PPP6R1: variants seen among roughly 807,000 people sequenced by gnomAD.
The protein encoded by PPP6R1 is serine/threonine-protein phosphatase 6 regulatory subunit 1.
Under a neutral mutation model 104.6 loss-of-function variants are expected in PPP6R1, and 39 were observed. That is an observed-to-expected ratio of 0.37 (90% CI 0.29 to 0.49). The LOEUF (loss-of-function observed/expected upper bound fraction) is 0.49. Among genes scored for constraint, PPP6R1 ranks in the 20% least tolerant of loss-of-function variants. The pLI, the probability that PPP6R1 is intolerant of heterozygous loss-of-function variation, is 0.98. For synonymous variants in PPP6R1, 549 were observed against 479.0 expected (o/e 1.15, Z -1.91); for missense variants, 1,181 against 1,155.8 (o/e 1.02, Z -0.32).
At chr19:55,236,232 GCAAC>G in intron 17 of PPP6R1, 1 of 173,676 alleles carries the variant, frequency 5.8e-6, no homozygotes, top group Non-Finnish European at 1.2e-5. Context: ...TCGGCTCACT[GCAAC>G]CTCTGCCTCC....
intron 17 of PPP6R1, 25 bp downstream of exon 17, chr19:55,236,618 G>A (rs768178020): frequency 7.9e-5 from 119 of 1,501,872 alleles, no homozygotes; most frequent in Non-Finnish European, 9.8e-5. Flanking sequence ...GAAGCTTGGA[G>A]AAGGGAAACT....
intron 1 of PPP6R1, among the ~76,000 whole-genome samples, chr19:55,252,806 G>C (rs984654169): frequency 1.3e-5 from 2 of 152,186 alleles, no homozygotes; most frequent in African/African-American, 4.8e-5. Flanking sequence ...CCAAAGTGCT[G>C]GGCTTACAGG....
intron 17 of PPP6R1, 154 bp downstream of exon 17, chr19:55,236,489 C>G: frequency 1.2e-6 from 1 of 840,084 alleles, no homozygotes; most frequent in Non-Finnish European, 1.7e-6. Context: ...ATTTCTATCA[C>G]TCAAAAGTGA....
At position 55,240,091 on chromosome 19, in the gene PPP6R1, C is replaced by A; in HGVS notation, c.1385G>T (p.Gly462Val). 1 of 1,593,632 alleles carries A rather than the reference C, an allele frequency of 6.3e-7. No individual in the cohort carries two copies. Among genetic ancestry groups the A allele is most frequent in the South Asian group, 1.1e-5 (1 of 88,260 alleles). The change falls in exon 12 of 24, where the codon GGC becomes GTC. Residue 462 changes from glycine to valine, a missense_variant. This residue lies in a region of PPP6R1 where 1,042 missense variants were observed against 955.6 expected (regional missense o/e 1.09). Transcript: ENST00000412770. ...CACTCTTGTCAGGTGACCCATGTAG[C>A]CTTTCCGAGGGCCTCCCGCACACCT... ...RVQCAGGPRK[G>V]YMGHLTRVAG... is the part of the protein sequence containing the mutation.
chr19:55,228,648 G>A, downstream of PPP6R1: 3 of 1,594,708 alleles, frequency 1.9e-6, no homozygotes, highest in East Asian at 4.5e-5. Context: ...GGGTTCCAGG[G>A]CCCTGTCCCC....
Position 55,241,481 on chromosome 19 carries a change from G to A in PPP6R1, c.1004C>T (p.Pro335Leu), listed in dbSNP as rs748235354. Residue 335 changes from proline (P) to leucine (L), a missense_variant, in exon 8 of 24, where the codon CCC becomes CTC. Pro to Leu is a moderately conservative substitution (Grantham distance 98). This residue lies in a region of PPP6R1 where 1,042 missense variants were observed against 955.6 expected (regional missense o/e 1.09). Coordinates refer to ENST00000412770, the MANE Select transcript of PPP6R1 (RefSeq NM_014931.4). The surrounding 1 kb of genome is among the most constrained non-coding windows in gnomAD (Gnocchi z 5.4). ...ACCAGAACCCACACCCCTGACCTTGGGAGGCTCCAGCAGGAGCTGGTGGAA... is the reference window on the plus strand; with the variant it reads ...ACCAGAACCCACACCCCTGACCTTGAGAGGCTCCAGCAGGAGCTGGTGGAA... ...SCFHQLLLEP[P>L]KLEPLQMTWG... The A allele has an allele frequency of 3.1e-6, 5 of 1,602,426 alleles. No individual in the cohort carries two copies. The highest frequency in any genetic ancestry group is 4.3e-6 in the Non-Finnish European group (5 of 1,174,788).
At chr19:55,243,832 T>C (rs573917804) in intron 5 of PPP6R1, among the ~76,000 whole-genome samples, 4 of 152,304 alleles carry the variant, frequency 2.6e-5, no homozygotes, top group East Asian at 1.9e-4. Flanking sequence ...TTTCAATTTT[T>C]TGTAGCGACA....
intron 1 of PPP6R1, among the ~76,000 whole-genome samples, chr19:55,257,966 C>T (rs561583035): frequency 1.3e-5 from 2 of 152,340 alleles, no homozygotes; most frequent in South Asian, 4.1e-4. Flanking sequence ...GAAAACAAGC[C>T]CCGCTCCTCC....
At chr19:55,235,594 C>T (rs998008445) in intron 17 of PPP6R1, among the ~76,000 whole-genome samples, 3 of 151,556 alleles carry the variant, frequency 2.0e-5, no homozygotes, top group Non-Finnish European at 4.4e-5. Flanking sequence ...TCTTGGCTCA[C>T]TGCAAGCTCC....
rs1458492393 is a variant in PPP6R1 at position 55,230,245 on chromosome 19, C to A, written c.*283G>T. ...CACTCTCTCTCGCTCTCCTCCCTCTCTCTATATAATATATAATATATGTTT... is the reference window on the plus strand; with the variant it reads ...CACTCTCTCTCGCTCTCCTCCCTCTATCTATATAATATATAATATATGTTT... On this transcript the variant is annotated 3_prime_UTR_variant, in exon 24 of 24. Transcript: ENST00000412770. 4.2e-6 allele frequency: 2 copies of A among 481,398 alleles called. No individual in the cohort carries two copies. The highest frequency in any genetic ancestry group is 3.9e-5 in the African/African-American group (2 of 51,516). The allele number at this position is 481,398 out of a possible 1,614,324, so 29.8% of individuals were successfully genotyped here. A position where few individuals can be genotyped will look rare whatever the true frequency, so the allele number is the denominator to read the frequency against.
Position 55,236,872 on chromosome 19 carries a change from C to G in PPP6R1, c.1809+41G>C, listed in dbSNP as rs376893918. On this transcript the variant is annotated intron_variant, in intron 16 of 23. Coordinates refer to ENST00000412770, the MANE Select transcript of PPP6R1 (RefSeq NM_014931.4). ...GGGCCACACTGCCCACAGCCCCACA[C>G]CCCTCCACCCGCCACAACCAGGGGA... 1.4e-5 allele frequency: 23 copies of G among 1,611,368 alleles called. No homozygotes were observed. In the African/African-American group the frequency reaches 2.3e-4, roughly 16 times the overall value.
At position 55,245,555 on chromosome 19, in the gene PPP6R1, G is replaced by A. The variant is rs368038582; in HGVS notation, c.351C>T (p.Asn117=). The change falls in exon 3 of 24, where the codon AAC becomes AAT. Residue 117 remains asparagine, a synonymous_variant. Coordinates refer to ENST00000412770, the MANE Select transcript of PPP6R1 (RefSeq NM_014931.4). This position sits in a 1 kb window ranked among gnomAD's most constrained non-coding sequence, Gnocchi z 6.4. ...YGFLQSTGSL[N]PLLASFFSKV... ...TGCTGAAGAAGCTGGCCAGCAGTGGGTTGAGGCTGCCGGTGCTCTGCAGGA... is the reference window on the plus strand; with the variant it reads ...TGCTGAAGAAGCTGGCCAGCAGTGGATTGAGGCTGCCGGTGCTCTGCAGGA... 111 of 1,611,828 alleles carry A rather than the reference G, an allele frequency of 6.9e-5. No homozygotes were observed. Among genetic ancestry groups the A allele is most frequent in the Non-Finnish European group, 9.1e-5 (107 of 1,179,112 alleles).
At position 55,232,115 on chromosome 19, in the gene PPP6R1, G is replaced by A. The variant is rs1452811462; in HGVS notation, c.2085C>T (p.Ala695=). The change falls in exon 18 of 24, where the codon GCC becomes GCT. Residue 695 remains alanine, a synonymous_variant. Coordinates refer to ENST00000412770, the MANE Select transcript of PPP6R1 (RefSeq NM_014931.4). ...CAGGGCTGGGGTAGGACAGAGGGGT[G>A]GCCCCTCCACGGGCTGCACAGCCAA... ...EGIGCAARGG[A]TPLSYPSPGP... 6.2e-7 allele frequency: 1 copy of A among 1,604,916 alleles called. No homozygotes were observed. Among genetic ancestry groups the A allele is most frequent in the African/African-American group, 1.3e-5 (1 of 74,890 alleles).
At position 55,236,678 on chromosome 19, in the gene PPP6R1, G is replaced by A. The variant is rs2087401769; in HGVS notation, c.1953C>T (p.Ala651=). 2.5e-6 allele frequency: 4 copies of A among 1,600,688 alleles called. No homozygotes were observed. The highest frequency in any genetic ancestry group is 1.7e-5 in the Admixed American group (1 of 58,398). The change falls in exon 17 of 24, where the codon GCC becomes GCT. Residue 651 remains alanine (A), a synonymous_variant. Coordinates refer to ENST00000412770, the MANE Select transcript of PPP6R1 (RefSeq NM_014931.4). ...GTGGCTGGCCCAGACGGGCCCCCCTGGCCAGCTGGCTGCCCTGCCAGGCGC... is the reference window on the plus strand; with the variant it reads ...GTGGCTGGCCCAGACGGGCCCCCCTAGCCAGCTGGCTGCCCTGCCAGGCGC... ...EDGAWQGSQL[A]RGARLGQPPG...
Position 55,246,906 on chromosome 19 carries a change from T to C in PPP6R1, c.198A>G (p.Pro66=). ...AMVAWVTQEP[P]DSGEERLRYK... is the part of the protein sequence containing the mutation. Reference sequence around the variant, plus strand: ...AGCGCAGCCGCTCCTCACCGCTATCTGGCGGCTCCTGGGTGACCCAGGCCA... The same window carrying C: ...AGCGCAGCCGCTCCTCACCGCTATCCGGCGGCTCCTGGGTGACCCAGGCCA... Residue 66 remains proline, a synonymous_variant, in exon 2 of 24, where the codon CCA becomes CCG. Transcript: ENST00000412770. 3.1e-6 allele frequency: 5 copies of C among 1,612,058 alleles called. No individual in the cohort carries two copies. The highest frequency in any genetic ancestry group is 4.2e-6 in the Non-Finnish European group (5 of 1,178,976).
At chr19:55,239,178 C>G (rs2087425582) in intron 15 of PPP6R1, 1 of 561,246 alleles carries the variant, frequency 1.8e-6, no homozygotes. Flanking sequence ...TCATGGCCTG[C>G]CTCTCGGAGA....
intron 5 of PPP6R1, 80 bp from the exon 6 acceptor site, chr19:55,242,568 G>A (rs2087468586): frequency 2.5e-6 from 3 of 1,219,258 alleles, no homozygotes; most frequent in Non-Finnish European, 3.6e-6. Flanking sequence ...CCCCTCCCAT[G>A]AGCTGACCAT....
In PPP6R1 at chr19:55,239,318, A is replaced by G. The variant is rs530230409; in HGVS notation, c.1751+87T>C. 637 of 1,301,334 alleles carry G rather than the reference A, an allele frequency of 4.9e-4. 2 individuals are homozygous for G. In the Admixed American group the frequency reaches 0.01, roughly 21 times the overall value. 80.6% of individuals were successfully genotyped at this position (1,301,334 alleles called of 1,614,324 possible). ...TGCAGGCTGAGCCCACAGGGCATGT[A>G]GGTGCGTGCAGGGGACAGATACAAG... On this transcript the variant is annotated intron_variant, in intron 15 of 23. Transcript: ENST00000412770.
At chr19:55,233,617 T>C (rs1193718329) in intron 17 of PPP6R1, among the ~76,000 whole-genome samples, 1 of 152,148 alleles carries the variant, frequency 6.6e-6, no homozygotes, top group African/African-American at 2.4e-5. Context: ...AAGATCAACA[T>C]ACAAAAACCT....
Sources: allele counts gnomAD v4.1 joint callset (sites outside exome capture counted in the v4.1 genomes callset), GRCh38; gene constraint gnomAD v4.1.1; regional missense constraint gnomAD v4.1.1; non-coding constraint Gnocchi (gnomAD v3.1); transcripts MANE v1.5; gene names NCBI Gene and HGNC (gene_info 2026-07-23, HGNC 2026-07-21).